SCN11A: variants seen among roughly 807,000 people sequenced by gnomAD.
SCN11A encodes sodium voltage-gated channel alpha subunit 11, also known as sodium channel protein type 11 subunit alpha.
Under a neutral mutation model 162.2 loss-of-function variants are expected in SCN11A, and 122 were observed. The observed-to-expected ratio is 0.75, with a 90% CI of 0.65 to 0.87. The LOEUF (loss-of-function observed/expected upper bound fraction) is 0.87. SCN11A is among the 40% of genes least tolerant of loss of function. SCN11A has a pLI of 0.00. For missense variants in SCN11A, 2,015 were observed against 2,181.6 expected (o/e 0.92, Z 1.52); for synonymous variants, 758 against 751.5 (o/e 1.01, Z -0.14).
At chr3:39,002,246 C>A (rs541887694) in intron 2 of SCN11A, among the ~76,000 whole-genome samples, 2 of 152,066 alleles carry the variant, frequency 1.3e-5, no homozygotes, top group Admixed American at 1.3e-4. Flanking sequence ...GATTCCTAAC[C>A]TGAAAAGTTC....
intron 2 of SCN11A, among the ~76,000 whole-genome samples, chr3:39,026,967 C>T (rs377675527): frequency 6.6e-6 from 1 of 152,172 alleles, no homozygotes; most frequent in Non-Finnish European, 1.5e-5. Flanking sequence ...GAGAGTCTGT[C>T]GCTCTAGATG....
intron 23 of SCN11A, among the ~76,000 whole-genome samples, chr3:38,878,604 C>T (rs113368914): frequency 2.1e-4 from 32 of 152,122 alleles, no homozygotes; most frequent in East Asian, 1.2e-3. Flanking sequence ...GACTGACAAA[C>T]GTGGATGTTT....
intron 28 of SCN11A, among the ~76,000 whole-genome samples, chr3:38,862,721 T>A (rs560378506): frequency 2.6e-5 from 4 of 152,050 alleles, no homozygotes; most frequent in African/African-American, 9.7e-5. Context: ...AATGATATAA[T>A]GGACTTCAGG....
chr3:38,986,224 C>A (rs1420116261), intron 2 of SCN11A, among the ~76,000 whole-genome samples: 1 of 150,776 alleles, frequency 6.6e-6, no homozygotes, highest in Non-Finnish European at 1.5e-5. Flanking sequence ...GGACCGTCAC[C>A]ACACCATCCA....
In SCN11A at chr3:38,920,008, G is replaced by A; in HGVS notation, c.893-7C>T. 1 of 1,605,612 alleles carries A rather than the reference G, an allele frequency of 6.2e-7. No individual in the cohort carries two copies. ...TTCTTTTCAAAGCAATGGTCTGAGAGAGGAAAAAGTCATAAATTCAGATTT... is the reference window on the plus strand; with the variant it reads ...TTCTTTTCAAAGCAATGGTCTGAGAAAGGAAAAAGTCATAAATTCAGATTT... On this transcript the variant is annotated splice_polypyrimidine_tract_variant and splice_region_variant and intron_variant, in intron 10 of 29. Transcript: ENST00000302328.
chr3:38,905,692 G>C (rs1450620652), intron 14 of SCN11A, among the ~76,000 whole-genome samples: 1 of 152,222 alleles, frequency 6.6e-6, no homozygotes, highest in East Asian at 1.9e-4. Flanking sequence ...ATGTTTAAAG[G>C]TAAGAAGTGG....
chr3:38,886,937 C>T (rs2065410172), intron 19 of SCN11A, among the ~76,000 whole-genome samples: 1 of 152,124 alleles, frequency 6.6e-6, no homozygotes, highest in Non-Finnish European at 1.5e-5. Flanking sequence ...TTTCCTCTTC[C>T]TCTTTCCCCT....
intron 7 of SCN11A, among the ~76,000 whole-genome samples, chr3:38,943,867 A>G (rs1031093835): frequency 6.6e-6 from 1 of 152,224 alleles, no homozygotes; most frequent in Non-Finnish European, 1.5e-5. Flanking sequence ...TACAAAAAAC[A>G]GACAGAAAGA....
chr3:38,849,004 C>T (rs1474551843), intron 29 of SCN11A, among the ~76,000 whole-genome samples: 1 of 152,182 alleles, frequency 6.6e-6, no homozygotes, highest in Admixed American at 6.5e-5. Flanking sequence ...ATTAATCCTA[C>T]CGCTGAGTAT....
chr3:39,043,526 C>G (rs1429101395), intron 1 of SCN11A, among the ~76,000 whole-genome samples: 1 of 143,696 alleles, frequency 7.0e-6, no homozygotes, highest in Non-Finnish European at 1.5e-5. Context: ...TTTGCAACAA[C>G]ATAGGTGGAA....
chr3:38,924,624 C>T (rs563288651), intron 9 of SCN11A, among the ~76,000 whole-genome samples: 1 of 152,270 alleles, frequency 6.6e-6, no homozygotes, highest in African/African-American at 2.4e-5. Flanking sequence ...CCACCTGCCT[C>T]AGCCTTCCAA....
intron 29 of SCN11A, among the ~76,000 whole-genome samples, chr3:38,849,002 T>C (rs895139703): frequency 6.6e-6 from 1 of 152,224 alleles, no homozygotes; most frequent in Non-Finnish European, 1.5e-5. Context: ...GGATTAATCC[T>C]ACCGCTGAGT....
chr3:39,008,531 G>T (rs563229520), intron 2 of SCN11A, among the ~76,000 whole-genome samples: 9 of 152,232 alleles, frequency 5.9e-5, no homozygotes, highest in Non-Finnish European at 8.8e-5. Context: ...AAATGGAGCA[G>T]TCAGAAAGAT....
At chr3:38,987,857 A>G (rs1313320467) in intron 2 of SCN11A, among the ~76,000 whole-genome samples, 1 of 152,188 alleles carries the variant, frequency 6.6e-6, no homozygotes, top group Non-Finnish European at 1.5e-5. Flanking sequence ...CTCCAGCAGC[A>G]GAATATTTCA....
intron 2 of SCN11A, among the ~76,000 whole-genome samples, chr3:38,994,896 G>A (rs1445103526): frequency 6.6e-6 from 1 of 152,060 alleles, no homozygotes; most frequent in Non-Finnish European, 1.5e-5. Context: ...GAAATGTGAG[G>A]CCAGTCTCTG....
chr3:38,935,600 C>T (rs534988139), intron 7 of SCN11A, among the ~76,000 whole-genome samples: 5 of 152,200 alleles, frequency 3.3e-5, no homozygotes, highest in East Asian at 3.9e-4. Flanking sequence ...TACAAACACC[C>T]CTATGCAAAT....
At chr3:38,908,833 C>A (rs547110374) in intron 13 of SCN11A, among the ~76,000 whole-genome samples, 164 bp downstream of exon 13, 41 of 152,232 alleles carry the variant, frequency 2.7e-4, no homozygotes, top group African/African-American at 9.6e-4. Flanking sequence ...TGAAAGATAG[C>A]AGCACAGCCA....
intron 1 of SCN11A, among the ~76,000 whole-genome samples, chr3:39,048,167 A>G (rs1032783939): frequency 1.3e-5 from 2 of 152,242 alleles, no homozygotes; most frequent in African/African-American, 4.8e-5. Flanking sequence ...CATATATGCA[A>G]TGAAATACTA....
At chr3:38,893,458 C>T (rs2065534284) in intron 19 of SCN11A, among the ~76,000 whole-genome samples, 1 of 152,018 alleles carries the variant, frequency 6.6e-6, no homozygotes. Flanking sequence ...GAATGAATAA[C>T]AACTAGATAG....
Sources: gnomAD v4.1 joint callset for allele counts (sites outside exome capture counted in the v4.1 genomes callset) on GRCh38, gnomAD v4.1.1 for gene constraint, MANE v1.5 for transcripts, NCBI Gene and HGNC (gene_info 2026-07-23, HGNC 2026-07-21) for gene names.